ZNF280C: variants seen among roughly 807,000 people sequenced by gnomAD.
The protein encoded by ZNF280C is zinc finger protein 280C, also known as suppressor of hairy wing homolog 3.
ZNF280C carries 14 observed loss-of-function variants against 53.6 expected under a neutral mutation model. That is an observed-to-expected ratio of 0.26 (90% confidence interval 0.17 to 0.41). The LOEUF (loss-of-function observed/expected upper bound fraction) is 0.41. ZNF280C is among the 10% of genes least tolerant of loss of function. ZNF280C has a pLI of 1.00. For synonymous variants in ZNF280C, 203 were observed against 181.1 expected, an observed-to-expected ratio of 1.12 and a Z score of -0.97; for missense variants, 416 against 547.1, an observed-to-expected ratio of 0.76 and a Z score of 2.39.
intron 8 of ZNF280C, among the ~76,000 whole-genome samples, chrX:130,235,483 C>A (rs1482520136): frequency 9.0e-6 from 1 of 111,636 alleles, no homozygotes; most frequent in African/African-American, 3.3e-5. Context: ...CACTGTACTC[C>A]GGCCTGGGTG....
chrX:130,255,928 C>G (rs1258742968), intron 2 of ZNF280C, among the ~76,000 whole-genome samples: 1 of 111,592 alleles, frequency 9.0e-6, no homozygotes, highest in Non-Finnish European at 1.9e-5. Context: ...CCACTGCAAT[C>G]TAGCCTGGGT....
chrX:130,228,162 A>C lies in ZNF280C; in HGVS notation c.1148-380T>G, dbSNP rs186233929. ...TTTTGTCTAAAGTGTAAATCAAGAC[A>C]ATTAACTTCAAATTTGAAAACCATG... On this transcript the variant is annotated intron_variant, in intron 10 of 18. Transcript: ENST00000370978. 2.7e-5 allele frequency among the ~76,000 whole-genome samples: 3 copies of C among 112,665 alleles called. No homozygotes were observed. In the East Asian group the frequency reaches 8.2e-4, roughly 31 times the overall value.
intron 15 of ZNF280C, among the ~76,000 whole-genome samples, chrX:130,211,432 A>C (rs1342183896): frequency 8.9e-6 from 1 of 112,212 alleles, no homozygotes; most frequent in African/African-American, 3.2e-5. Flanking sequence ...GTCTTCTCAT[A>C]AGAGTTGGCA....
rs922142797 is a variant in ZNF280C at position 130,205,219 on chromosome X, A to G, written c.2162-66T>C. ...AAGAGTGAGACTATCAATTTAATAC[A>G]TGGGTCCATATGGTGTCCGATCAAA... On this transcript the variant is annotated intron_variant, in intron 17 of 18. Transcript: ENST00000370978. 9.3e-6 allele frequency: 10 copies of G among 1,072,131 alleles called. No individual in the cohort carries two copies. In the African/African-American group the frequency reaches 1.7e-4, roughly 18 times the overall value. The allele number at this position is 1,072,131 out of a possible 1,213,427, so 88.4% of individuals were successfully genotyped here. A position where few individuals can be genotyped will look rare whatever the true frequency, so the allele number is the denominator to read the frequency against.
At chrX:130,226,249 T>C (rs187157943) in intron 12 of ZNF280C, among the ~76,000 whole-genome samples, 109 of 112,336 alleles carry the variant, frequency 9.7e-4, no homozygotes, top group Middle Eastern at 4.6e-3. Flanking sequence ...GGGTCACTGA[T>C]GACAACCACA....
intron 5 of ZNF280C, among the ~76,000 whole-genome samples, chrX:130,240,269 A>G (rs897189661): frequency 5.4e-5 from 6 of 111,687 alleles, no homozygotes; most frequent in Admixed American, 9.5e-5. Flanking sequence ...TGAGGAATAG[A>G]TATCAAATAT....
intron 10 of ZNF280C, 28 bp from the exon 11 acceptor site, chrX:130,227,810 C>T (rs1015548174): frequency 2.4e-6 from 2 of 822,473 alleles, no homozygotes; most frequent in Admixed American, 2.5e-5. Flanking sequence ...CACATTATAC[C>T]ATTTAAGGAT....
chrX:130,205,358 A>G lies in ZNF280C; in HGVS notation c.2100T>C (p.Asp700=). 1 of 1,210,033 alleles carries G rather than the reference A, an allele frequency of 8.3e-7. No homozygotes were observed. ...CDFLADSSGL[D]RMAKHLSQRK... ...GTTGACTTAAGTGTTTAGCCATACG[A>G]TCTAAGCCGGAAGAATCAGCTAGGA... The change falls in exon 17 of 19, where the codon GAT becomes GAC. Residue 700 remains aspartate (D), a synonymous_variant. Transcript: ENST00000370978.
chrX:130,264,558 T>C (rs929932833), intron 1 of ZNF280C, among the ~76,000 whole-genome samples: 20 of 111,027 alleles, frequency 1.8e-4, no homozygotes, highest in Middle Eastern at 4.7e-3. Context: ...TATACATAAA[T>C]GACGCATTTG....
intron 3 of ZNF280C, among the ~76,000 whole-genome samples, chrX:130,245,851 T>A (rs2032444426): frequency 9.1e-6 from 1 of 109,837 alleles, no homozygotes; most frequent in East Asian, 2.8e-4. Context: ...AGTGACGTGA[T>A]CTTGGCTCAC....
chrX:130,209,514 G>A lies in ZNF280C; in HGVS notation c.2042+139C>T, dbSNP rs188441893. 162 of 513,419 alleles carry A rather than the reference G, an allele frequency of 3.2e-4. No homozygotes were observed. The African/African-American group carries it at 3.4e-3, about 11-fold the overall frequency. 42.3% of individuals were successfully genotyped at this position (513,419 alleles called of 1,213,427 possible). ...GGCACTACAGAGTTTAGTCAGAGAT[G>A]ATAGGCTATCCCTCCAACTTTGGTC... On this transcript the variant is annotated intron_variant, in intron 16 of 18. Transcript: ENST00000370978.
intron 8 of ZNF280C, among the ~76,000 whole-genome samples, chrX:130,231,969 G>A: frequency 9.3e-6 from 1 of 107,271 alleles, no homozygotes. Context: ...GGAGGTTGAA[G>A]TGAGCTGAGG....
intron 3 of ZNF280C, 26 bp from the exon 4 acceptor site, chrX:130,243,891 TTTG>T (rs770283277): frequency 5.1e-6 from 5 of 986,546 alleles, no homozygotes; most frequent in Middle Eastern, 3.9e-4. Flanking sequence ...TATTTTAAAA[TTTG>T]TTATGTGAAT....
chrX:130,238,149 C>T (rs1416584017), intron 6 of ZNF280C, among the ~76,000 whole-genome samples: 1 of 111,262 alleles, frequency 9.0e-6, no homozygotes, highest in Non-Finnish European at 1.9e-5. Context: ...CCATGATCAT[C>T]TTAGACAGGA....
chrX:130,226,462 C>T (rs2032222027), intron 12 of ZNF280C, among the ~76,000 whole-genome samples: 1 of 111,676 alleles, frequency 9.0e-6, no homozygotes. Context: ...CATGAATCTT[C>T]TGTTTTTTCC....
intron 15 of ZNF280C, among the ~76,000 whole-genome samples, chrX:130,211,730 G>A (rs1347850882): frequency 1.8e-5 from 2 of 111,902 alleles, no homozygotes; most frequent in Non-Finnish European, 3.8e-5. Flanking sequence ...CAGAAATTAG[G>A]AAAATGTTAT....
Position 130,246,894 on chromosome X carries a change from A to G in ZNF280C, c.143T>C (p.Val48Ala), listed in dbSNP as rs773831071. Reference sequence around the variant, plus strand: ...TGGTTTTGAACTTGATATCTCTCCAACAAAGATCAGTTCATCGTCATCCTC... The same window carrying G: ...TGGTTTTGAACTTGATATCTCTCCAGCAAAGATCAGTTCATCGTCATCCTC... ...QDEDDDELIF[V>A]GEISSSKPAI... is the part of the protein sequence containing the mutation. The change falls in exon 3 of 19, where the codon GTT becomes GCT. Residue 48 changes from valine (V) to alanine (A), a missense_variant. By Grantham distance (64) the Val-to-Ala change is moderately conservative. This residue lies in a region of ZNF280C where 193 missense variants were observed against 201.4 expected (regional missense o/e 0.96). Coordinates refer to ENST00000370978, the MANE Select transcript of ZNF280C (RefSeq NM_017666.5). 1 of 1,211,348 alleles carries G rather than the reference A, an allele frequency of 8.3e-7. No homozygotes were observed. The highest frequency in any genetic ancestry group is 2.2e-5 in the Admixed American group (1 of 45,951).
At chrX:130,248,272 G>A in intron 2 of ZNF280C, among the ~76,000 whole-genome samples, 1 of 106,559 alleles carries the variant, frequency 9.4e-6, no homozygotes, top group African/African-American at 3.4e-5. Context: ...GCCTGTATGG[G>A]GCTACTGTGC....
At chrX:130,258,497 T>A (rs1002053453) in intron 2 of ZNF280C, among the ~76,000 whole-genome samples, 1 of 112,081 alleles carries the variant, frequency 8.9e-6, no homozygotes, top group Non-Finnish European at 1.9e-5. Flanking sequence ...TGGCTTGGCA[T>A]AACATTGTTT....
Sources: gnomAD v4.1 joint callset for allele counts (sites outside exome capture counted in the v4.1 genomes callset) on GRCh38, gnomAD v4.1.1 for gene constraint, gnomAD v4.1.1 regional missense constraint, MANE v1.5 for transcripts, NCBI Gene and HGNC (gene_info 2026-07-23, HGNC 2026-07-21) for gene names.